WDR70: variants seen among roughly 807,000 people sequenced by gnomAD.
WDR70 encodes WD repeat-containing protein 70.
WDR70 carries 53 observed loss-of-function variants against 88.6 expected under a neutral mutation model. The observed-to-expected ratio is 0.60, with a 90% CI of 0.48 to 0.75. The LOEUF is 0.75. Ranked by LOEUF, WDR70 falls within the 30% of genes least tolerant of loss-of-function variation. The pLI, the probability that WDR70 is intolerant of heterozygous loss-of-function variation, is 0.00. For missense variants in WDR70, 610 were observed against 823.2 expected, an observed-to-expected ratio of 0.74 and a Z score of 3.17; for synonymous variants, 280 against 270.0, an observed-to-expected ratio of 1.04 and a Z score of -0.36.
In WDR70 at chr5:37,688,876, C is replaced by G. The variant is rs375214638; in HGVS notation, c.1093-8779C>G. On this transcript the variant is annotated intron_variant, in intron 10 of 17. Coordinates refer to ENST00000265107, the MANE Select transcript of WDR70 (RefSeq NM_018034.4). Reference sequence around the variant, plus strand: ...ATGGAGGGGGCAAGCCAAAGCAGAGCGGGGCATCGCCTCACCTGGGAAGCG... The same window carrying G: ...ATGGAGGGGGCAAGCCAAAGCAGAGGGGGGCATCGCCTCACCTGGGAAGCG... Among the ~76,000 whole-genome samples, 3 of 152,028 alleles carry G rather than the reference C, an allele frequency of 2.0e-5. No homozygotes were observed. The East Asian group carries it at 5.9e-4, about 30-fold the overall frequency.
intron 5 of WDR70, among the ~76,000 whole-genome samples, chr5:37,422,803 T>C (rs2111996780): frequency 6.6e-6 from 1 of 152,106 alleles, no homozygotes; most frequent in Non-Finnish European, 1.5e-5. Context: ...TTTTTTGTAT[T>C]TTTTGTAGAA....
chr5:37,666,801 C>G (rs1745855002), intron 10 of WDR70, among the ~76,000 whole-genome samples: 1 of 152,134 alleles, frequency 6.6e-6, no homozygotes, highest in South Asian at 2.1e-4. Flanking sequence ...TGCTTGGGTT[C>G]AAATCCTGGC....
intron 10 of WDR70, among the ~76,000 whole-genome samples, chr5:37,657,041 T>C (rs188397715): frequency 6.6e-6 from 1 of 152,096 alleles, no homozygotes; most frequent in East Asian, 1.9e-4. Context: ...GCCACCAGGG[T>C]ATGAAAAGAA....
At chr5:37,641,234 GC>G (rs960865487) in intron 10 of WDR70, among the ~76,000 whole-genome samples, 1 of 151,680 alleles carries the variant, frequency 6.6e-6, no homozygotes, top group African/African-American at 2.4e-5. Context: ...TCATGCCTCA[GC>G]CTCCTGAGTA....
intron 5 of WDR70, among the ~76,000 whole-genome samples, chr5:37,434,207 G>T (rs775169923): frequency 6.6e-6 from 1 of 152,136 alleles, no homozygotes; most frequent in Non-Finnish European, 1.5e-5. Context: ...AAAACCATCA[G>T]ATCTTCTGAG....
intron 10 of WDR70, among the ~76,000 whole-genome samples, chr5:37,627,497 G>A (rs1744701672): frequency 6.6e-6 from 1 of 151,738 alleles, no homozygotes; most frequent in Non-Finnish European, 1.5e-5. Flanking sequence ...TCATTTTCTA[G>A]TTCTTTGAGG....
At chr5:37,492,257 G>A (rs149144559) in intron 8 of WDR70, among the ~76,000 whole-genome samples, 3 of 152,176 alleles carry the variant, frequency 2.0e-5, no homozygotes, top group East Asian at 1.9e-4. Context: ...GCCTTTTCCC[G>A]TTCCATATTC....
chr5:37,408,323 A>G (rs1043493156), intron 5 of WDR70, among the ~76,000 whole-genome samples: 4 of 152,124 alleles, frequency 2.6e-5, no homozygotes, highest in African/African-American at 9.7e-5. Context: ...AATATAAAAA[A>G]ATTAGCCAGG....
At chr5:37,556,414 GT>G (rs1742296829) in intron 9 of WDR70, among the ~76,000 whole-genome samples, 1 of 151,952 alleles carries the variant, frequency 6.6e-6, no homozygotes, top group African/African-American at 2.4e-5. Context: ...ATTTTGAAAA[GT>G]TTTAAAATTA....
chr5:37,650,604 T>C (rs1473594580), intron 10 of WDR70, among the ~76,000 whole-genome samples: 2 of 152,110 alleles, frequency 1.3e-5, no homozygotes, highest in African/African-American at 4.8e-5. Context: ...GGAGGAGATA[T>C]AGTACATGTA....
intron 5 of WDR70, among the ~76,000 whole-genome samples, chr5:37,426,157 G>A (rs1185505235): frequency 6.6e-6 from 1 of 152,076 alleles, no homozygotes; most frequent in African/African-American, 2.4e-5. Context: ...CCAAGAAGGA[G>A]GTAGAAGGTA....
At chr5:37,445,825 C>A (rs1345037750) in intron 7 of WDR70, among the ~76,000 whole-genome samples, 1 of 152,118 alleles carries the variant, frequency 6.6e-6, no homozygotes, top group African/African-American at 2.4e-5. Context: ...AAACCCACAG[C>A]CAATATAATA....
intron 17 of WDR70, among the ~76,000 whole-genome samples, chr5:37,737,403 G>T (rs190380769): frequency 7.7e-4 from 117 of 152,276 alleles, no homozygotes; most frequent in Middle Eastern, 3.4e-3. Flanking sequence ...AAAGCAACTG[G>T]TAGTAGTTAT....
At chr5:37,538,456 T>C (rs1210121896) in intron 9 of WDR70, among the ~76,000 whole-genome samples, 2 of 152,324 alleles carry the variant, frequency 1.3e-5, no homozygotes, top group East Asian at 3.9e-4. Flanking sequence ...GAGACATTCA[T>C]GTAAACAGCA....
At chr5:37,475,917 C>T (rs1739467930) in intron 7 of WDR70, among the ~76,000 whole-genome samples, 1 of 145,750 alleles carries the variant, frequency 6.9e-6, no homozygotes, top group African/African-American at 2.5e-5. Context: ...GTGATCTCGG[C>T]TCACTGCAAC....
intron 10 of WDR70, among the ~76,000 whole-genome samples, chr5:37,677,585 C>G (rs896593705): frequency 3.9e-5 from 6 of 152,176 alleles, no homozygotes; most frequent in African/African-American, 1.2e-4. Context: ...TTTGATTGCA[C>G]TGTGGTCTGA....
intron 8 of WDR70, among the ~76,000 whole-genome samples, chr5:37,491,300 AT>A (rs1257872264): frequency 6.6e-6 from 1 of 152,068 alleles, no homozygotes; most frequent in Non-Finnish European, 1.5e-5. Flanking sequence ...TTGAAGTGTG[AT>A]TATCTACTCA....
At chr5:37,414,284 G>A (rs1022399474) in intron 5 of WDR70, among the ~76,000 whole-genome samples, 1 of 151,918 alleles carries the variant, frequency 6.6e-6, no homozygotes, top group Admixed American at 6.6e-5. Flanking sequence ...CTACCCCCTG[G>A]CTTGCTCACT....
chr5:37,584,116 G>A (rs1326571028), intron 9 of WDR70, among the ~76,000 whole-genome samples: 3 of 152,112 alleles, frequency 2.0e-5, no homozygotes, highest in African/African-American at 7.2e-5. Context: ...TATACTTTTT[G>A]TCTCTACAAA....
Sources: allele counts gnomAD v4.1 joint callset (sites outside exome capture counted in the v4.1 genomes callset), GRCh38; gene constraint gnomAD v4.1.1; transcripts MANE v1.5; gene names NCBI Gene and HGNC (gene_info 2026-07-23, HGNC 2026-07-21).